The following PPP2R2B variants were observed in gnomAD, a reference collection of about 807,000 sequenced individuals.
The protein encoded by PPP2R2B is protein phosphatase 2 regulatory subunit Bbeta.
A neutral mutation model predicts 46.0 loss-of-function variants in PPP2R2B; 5 were observed. The observed-to-expected ratio is 0.11, with a 90% CI of 0.06 to 0.23. The LOEUF is 0.23. Among genes scored for constraint, PPP2R2B ranks in the 10% least tolerant of loss-of-function variants. PPP2R2B has a pLI of 1.00. For missense variants in PPP2R2B, 367 were observed against 575.0 expected (o/e 0.64, Z 3.70); for synonymous variants, 215 against 206.7 (o/e 1.04, Z -0.34).
At chr5:146,968,527 C>T (rs982385875) in intron 1 of PPP2R2B, among the ~76,000 whole-genome samples, 10 of 152,162 alleles carry the variant, frequency 6.6e-5, no homozygotes, top group East Asian at 1.9e-4. Context: ...ATTGAAACTA[C>T]GAAGATCTAT....
Position 146,982,634 on chromosome 5 carries a change from G to A in PPP2R2B, c.79+73031C>T, listed in dbSNP as rs542413504. ...TATCAATTGTTAAAAAGGGGTTGTC[G>A]AAGTCTCCAACTATAATTATAGATT... On this transcript the variant is annotated intron_variant, in intron 1 of 8. Transcript: ENST00000336640. 9.2e-5 allele frequency among the ~76,000 whole-genome samples: 14 copies of A among 152,172 alleles called. No homozygotes were observed. The East Asian group carries it at 1.9e-3, about 21-fold the overall frequency.
intron 2 of PPP2R2B, among the ~76,000 whole-genome samples, chr5:146,781,984 C>G (rs1755559594): frequency 6.6e-6 from 1 of 152,128 alleles, no homozygotes; most frequent in Non-Finnish European, 1.5e-5. Context: ...GGTTTAACAC[C>G]ATTTCCCTTG....
intron 7 of PPP2R2B, among the ~76,000 whole-genome samples, chr5:146,622,545 C>T (rs951897207): frequency 3.3e-5 from 5 of 152,178 alleles, no homozygotes; most frequent in African/African-American, 1.2e-4. Context: ...TACCTATAAC[C>T]GGCCTTTATA....
chr5:146,598,471 TGTGA>T (rs764762291), intron 8 of PPP2R2B, among the ~76,000 whole-genome samples: 4 of 152,210 alleles, frequency 2.6e-5, no homozygotes, highest in Admixed American at 6.5e-5. Context: ...TCTACATACT[TGTGA>T]GTGTCAGATT....
At position 146,878,138 on chromosome 5, in the gene PPP2R2B, G is replaced by T. The variant is rs1331558167; in HGVS notation, c.-67C>A. 1 of 1,611,278 alleles carries T rather than the reference G, an allele frequency of 6.2e-7. No homozygotes were observed. The highest frequency in any genetic ancestry group is 1.1e-5 in the South Asian group (1 of 90,746). On this transcript the variant is annotated 5_prime_UTR_variant, in exon 2 of 10. It adds an upstream start codon to the 5' untranslated region. Coordinates refer to ENST00000394411, the MANE Select transcript of PPP2R2B (RefSeq NM_181675.4). The surrounding 1 kb of genome is among the most constrained non-coding windows in gnomAD (Gnocchi z 4.5). The stretch of plus-strand genomic sequence containing the variant: ...CAAGTATCCATGATCCCTCCCCGCA[G>T]CCAGTCTCACAGGAGAGGGGGGCAG...
intron 1 of PPP2R2B, among the ~76,000 whole-genome samples, chr5:146,895,049 C>T (rs1321989221): frequency 1.3e-5 from 2 of 152,242 alleles, no homozygotes; most frequent in Non-Finnish European, 2.9e-5. Context: ...AAAAGGACAG[C>T]TTGGGGTATT....
At chr5:146,994,443 T>C (rs1489558566) in intron 1 of PPP2R2B, among the ~76,000 whole-genome samples, 1 of 152,074 alleles carries the variant, frequency 6.6e-6, no homozygotes, top group Non-Finnish European at 1.5e-5. Context: ...CCAGGAAATA[T>C]TGGTAGGGGA....
At chr5:146,598,784 T>C (rs1771485833) in intron 8 of PPP2R2B, among the ~76,000 whole-genome samples, 1 of 152,194 alleles carries the variant, frequency 6.6e-6, no homozygotes. Context: ...TAAGCTACTA[T>C]TGCCGCTTGC....
At chr5:146,992,536 C>T (rs991095483) in intron 1 of PPP2R2B, among the ~76,000 whole-genome samples, 14 of 152,052 alleles carry the variant, frequency 9.2e-5, no homozygotes, top group African/African-American at 3.4e-4. Flanking sequence ...TGGGTGGTAG[C>T]GACAGTTCTG....
chr5:147,056,058 G>A (rs62377608), upstream of PPP2R2B: 11,904 of 1,137,428 alleles, frequency 0.01, 84 homozygotes, highest in Non-Finnish European at 0.012. Flanking sequence ...GTAAACACAC[G>A]CTGAAATGCT....
intron 7 of PPP2R2B, among the ~76,000 whole-genome samples, chr5:146,630,164 A>G (rs1222181753): frequency 6.6e-6 from 1 of 152,102 alleles, no homozygotes; most frequent in Non-Finnish European, 1.5e-5. Flanking sequence ...CCATCCACTG[A>G]TCTTTTTTCT....
At chr5:146,786,123 G>A (rs1048494504) in intron 2 of PPP2R2B, among the ~76,000 whole-genome samples, 1 of 151,992 alleles carries the variant, frequency 6.6e-6, no homozygotes, top group Non-Finnish European at 1.5e-5. Flanking sequence ...TTGTATGCAT[G>A]TATCAAAATA....
intron 1 of PPP2R2B, among the ~76,000 whole-genome samples, chr5:146,888,912 A>G (rs936086279): frequency 1.3e-5 from 2 of 152,310 alleles, no homozygotes; most frequent in East Asian, 1.9e-4. Flanking sequence ...TCTGTATAAA[A>G]TAAATTAGCA....
chr5:146,710,001 T>G (rs1349466571), intron 2 of PPP2R2B, among the ~76,000 whole-genome samples: 2 of 152,224 alleles, frequency 1.3e-5, no homozygotes, highest in Non-Finnish European at 2.9e-5. Flanking sequence ...AACTCTCACA[T>G]GCACATTTCC....
At chr5:146,829,610 G>A (rs1048756521) in intron 2 of PPP2R2B, among the ~76,000 whole-genome samples, 2 of 152,090 alleles carry the variant, frequency 1.3e-5, no homozygotes, top group African/African-American at 4.8e-5. Flanking sequence ...TACCTGCAGT[G>A]GCCTATTTCA....
intron 1 of PPP2R2B, among the ~76,000 whole-genome samples, chr5:146,892,599 A>T (rs1428827454): frequency 2.0e-5 from 3 of 152,160 alleles, no homozygotes; most frequent in African/African-American, 7.2e-5. Context: ...CTCCTCACTA[A>T]GTCAGTATGA....
intron 1 of PPP2R2B, among the ~76,000 whole-genome samples, chr5:146,943,305 G>T (rs536321917): frequency 1.1e-4 from 17 of 152,232 alleles, no homozygotes; most frequent in African/African-American, 3.1e-4. Flanking sequence ...CTTTCCAAGA[G>T]ATCAGTTTCA....
intron 2 of PPP2R2B, among the ~76,000 whole-genome samples, chr5:147,069,785 G>GTTTTTTTTCTTTTTTTTT (rs1757523237): frequency 1.5e-5 from 1 of 64,782 alleles, no homozygotes. Context: ...ATTTTATACT[G>GTTTTTTTTCTTTTTTTTT]TTTTTTTTTT....
intron 8 of PPP2R2B, among the ~76,000 whole-genome samples, chr5:146,596,002 T>G (rs1474025483): frequency 1.3e-5 from 2 of 152,200 alleles, no homozygotes; most frequent in Non-Finnish European, 2.9e-5. Flanking sequence ...ATATTTCAAG[T>G]GTTGACAAAC....
Sources: allele counts gnomAD v4.1 joint callset (sites outside exome capture counted in the v4.1 genomes callset), GRCh38; gene constraint gnomAD v4.1.1; non-coding constraint Gnocchi (gnomAD v3.1); transcripts MANE v1.5; gene names NCBI Gene and HGNC (gene_info 2026-07-23, HGNC 2026-07-21).